The following SYT1 variants were observed in gnomAD, a reference collection of about 807,000 sequenced individuals.
The protein encoded by SYT1 is synaptotagmin-1.
In SYT1, 8 loss-of-function variants were observed where a neutral mutation model predicts 44.8. The ratio of observed to expected loss-of-function variants is 0.18; its 90% CI spans 0.10 to 0.32. The LOEUF (loss-of-function observed/expected upper bound fraction) is 0.32, where lower values mean the gene tolerates loss of function less well. Among genes scored for constraint, SYT1 ranks in the 10% least tolerant of loss-of-function variants. SYT1 has a pLI of 1.00. For synonymous variants in SYT1, 154 were observed against 188.8 expected (o/e 0.82, Z 1.51); for missense variants, 286 against 509.3 (o/e 0.56, Z 4.22).
At chr12:79,411,117 A>C (rs1565946523) in intron 9 of SYT1, among the ~76,000 whole-genome samples, 1 of 152,208 alleles carries the variant, frequency 6.6e-6, no homozygotes, top group African/African-American at 2.4e-5. Context: ...AAATAATGTA[A>C]AGATAAGCAG....
intron 1 of SYT1, among the ~76,000 whole-genome samples, chr12:78,868,224 A>G (rs1873643419): frequency 6.6e-6 from 1 of 151,848 alleles, no homozygotes; most frequent in Admixed American, 6.6e-5. Flanking sequence ...ATTTGGGGGG[A>G]ACAAGAAATA....
At chr12:79,185,522 G>A (rs541228142) in intron 3 of SYT1, among the ~76,000 whole-genome samples, 1 of 152,056 alleles carries the variant, frequency 6.6e-6, no homozygotes, top group South Asian at 2.1e-4. Flanking sequence ...AGTTTGCACT[G>A]CAGAAGGAAT....
intron 9 of SYT1, among the ~76,000 whole-genome samples, chr12:79,411,194 T>C (rs1193219284): frequency 2.0e-5 from 3 of 152,180 alleles, no homozygotes; most frequent in Non-Finnish European, 4.4e-5. Flanking sequence ...TCTTCTGCCG[T>C]CCTCAGCATA....
chr12:79,044,160 C>A (rs1873815629), intron 2 of SYT1, among the ~76,000 whole-genome samples: 1 of 151,932 alleles, frequency 6.6e-6, no homozygotes, highest in African/African-American at 2.4e-5. Context: ...TTTCCTGAAT[C>A]TGAATGTTGG....
At chr12:78,883,726 T>C (rs958061991) in intron 1 of SYT1, among the ~76,000 whole-genome samples, 1 of 151,728 alleles carries the variant, frequency 6.6e-6, no homozygotes, top group African/African-American at 2.4e-5. Context: ...CTTGACTTTC[T>C]CTTTTCCCTT....
At chr12:78,971,517 T>C (rs888401584) in intron 1 of SYT1, among the ~76,000 whole-genome samples, 46 of 152,170 alleles carry the variant, frequency 3.0e-4, no homozygotes, top group African/African-American at 1.0e-3. Flanking sequence ...CAATTCACTT[T>C]TCTGAACAAT....
chr12:79,090,151 T>C (rs1285752927), intron 3 of SYT1, among the ~76,000 whole-genome samples: 2 of 152,068 alleles, frequency 1.3e-5, no homozygotes, highest in Non-Finnish European at 2.9e-5. Context: ...GTTTTGAAGA[T>C]AGAACAAATG....
chr12:79,397,609 AAGG>A (rs1400626479), intron 9 of SYT1, among the ~76,000 whole-genome samples: 5 of 152,178 alleles, frequency 3.3e-5, no homozygotes, highest in Non-Finnish European at 7.4e-5. Context: ...TGGCCTGAAG[AAGG>A]AGGTCAACTT....
chr12:79,171,627 G>A (rs529339545), intron 3 of SYT1, among the ~76,000 whole-genome samples: 29 of 151,766 alleles, frequency 1.9e-4, no homozygotes, highest in South Asian at 1.7e-3. Context: ...ATTCTATTCA[G>A]TAAAGGCTTA....
chr12:79,232,162 A>G (rs1875908169), intron 4 of SYT1, among the ~76,000 whole-genome samples: 1 of 152,220 alleles, frequency 6.6e-6, no homozygotes. Context: ...AATGTCTGGA[A>G]TATAATGGTC....
chr12:79,448,718 T>C (rs1870867672), intron 10 of SYT1, among the ~76,000 whole-genome samples, 200 bp from the exon 11 acceptor site: 1 of 152,250 alleles, frequency 6.6e-6, no homozygotes, highest in African/African-American at 2.4e-5. Flanking sequence ...GTAACTGAGT[T>C]CATTCATGTA....
At chr12:78,881,014 G>T (rs1874424900) in intron 1 of SYT1, among the ~76,000 whole-genome samples, 1 of 151,446 alleles carries the variant, frequency 6.6e-6, no homozygotes, top group African/African-American at 2.4e-5. Context: ...TTACAGTCCT[G>T]CTTTCTTCCA....
chr12:79,307,537 C>T (rs1362101806), intron 8 of SYT1, among the ~76,000 whole-genome samples: 1 of 151,004 alleles, frequency 6.6e-6, no homozygotes, highest in Non-Finnish European at 1.5e-5. Flanking sequence ...TCCCAGGAGC[C>T]ACAGGGGAAT....
chr12:79,295,454 T>C (rs1879835593), intron 6 of SYT1, among the ~76,000 whole-genome samples: 1 of 152,202 alleles, frequency 6.6e-6, no homozygotes, highest in African/African-American at 2.4e-5. Flanking sequence ...ATTACATTTC[T>C]TTTACTCCGT....
intron 1 of SYT1, among the ~76,000 whole-genome samples, chr12:78,877,503 G>A (rs914016352): frequency 4.6e-5 from 7 of 151,484 alleles, no homozygotes; most frequent in Non-Finnish European, 1.0e-4. Context: ...TTTTTAACTG[G>A]CATCCAAATT....
At chr12:79,328,958 C>T (rs963901252) in intron 8 of SYT1, among the ~76,000 whole-genome samples, 4 of 151,870 alleles carry the variant, frequency 2.6e-5, no homozygotes, top group African/African-American at 4.8e-5. Flanking sequence ...TGGCCTTTAT[C>T]TTTGCAGCTT....
At chr12:79,018,261 A>G (rs955517153) in intron 2 of SYT1, among the ~76,000 whole-genome samples, 1 of 149,734 alleles carries the variant, frequency 6.7e-6, no homozygotes, top group African/African-American at 2.5e-5. Flanking sequence ...ACCAAACACC[A>G]CATGTTCTCA....
chr12:79,233,716 G>A (rs779623238), intron 4 of SYT1, among the ~76,000 whole-genome samples: 7 of 152,208 alleles, frequency 4.6e-5, no homozygotes, highest in African/African-American at 7.2e-5. Flanking sequence ...GCCCTCATCA[G>A]TAGTGAATCT....
intron 4 of SYT1, among the ~76,000 whole-genome samples, chr12:79,263,270 A>AT (rs34435501): frequency 0.015 from 2,030 of 139,888 alleles, 16 homozygotes; most frequent in Non-Finnish European, 0.016. Context: ...TCTTCTGGTG[A>AT]TTTTTTTTTT....
Sources: allele counts gnomAD v4.1 joint callset (sites outside exome capture counted in the v4.1 genomes callset), GRCh38; gene constraint gnomAD v4.1.1; transcripts MANE v1.5; gene names NCBI Gene and HGNC (gene_info 2026-07-23, HGNC 2026-07-21).